SELENOT: variants seen among roughly 807,000 people sequenced by gnomAD.
SELENOT encodes thioredoxin reductase-like selenoprotein T.
SELENOT carries 9 observed loss-of-function variants against 24.3 expected under a neutral mutation model. The observed-to-expected ratio is 0.37, with a 90% CI of 0.22 to 0.65. The LOEUF (loss-of-function observed/expected upper bound fraction) is 0.65, where lower values mean the gene tolerates loss of function less well. Among genes scored for constraint, SELENOT ranks in the 30% least tolerant of loss-of-function variants. The probability of loss-of-function intolerance (pLI) is 0.60; values close to 1 mark genes in which losing one functional copy is unlikely to be tolerated. For synonymous variants in SELENOT, 81 were observed against 86.0 expected, an observed-to-expected ratio of 0.94 and a Z score of 0.32; for missense variants, 166 against 247.6, an observed-to-expected ratio of 0.67 and a Z score of 2.21.
chr3:150,618,911 GCATAGAT>G (rs1439425218), intron 1 of SELENOT: 5 of 152,168 alleles, frequency 3.3e-5, no homozygotes, highest in African/African-American at 1.2e-4. Context: ...TTTCTGTTCT[GCATAGAT>G]CATCTAATAT....
Position 150,629,446 on chromosome 3 carries a change from C to T in SELENOT, c.*1817C>T, listed in dbSNP as rs1156400633. On this transcript the variant is annotated 3_prime_UTR_variant, in exon 6 of 6. Transcript: ENST00000471696. The stretch of plus-strand genomic sequence containing the variant: ...ACCACTCCAAATTCCCTGCCTTCTG[C>T]AAGTTGAATGTCTTGCTGAATGTGT... 1 of 152,638 alleles carries T rather than the reference C, an allele frequency of 6.6e-6. No homozygotes were observed. Among genetic ancestry groups the T allele is most frequent in the Non-Finnish European group, 1.5e-5 (1 of 68,028 alleles). 9.5% of individuals were successfully genotyped at this position (152,638 alleles called of 1,614,324 possible).
At chr3:150,620,965 TTATG>T (rs1272986277) in intron 1 of SELENOT, among the ~76,000 whole-genome samples, 1 of 152,212 alleles carries the variant, frequency 6.6e-6, no homozygotes, top group Non-Finnish European at 1.5e-5. Flanking sequence ...GATGAAGTGT[TTATG>T]TAAGATCTTT....
Position 150,615,287 on chromosome 3 carries a change from C to G in SELENOT, c.138-7098C>G, listed in dbSNP as rs556147470. On this transcript the variant is annotated intron_variant, in intron 1 of 5. Coordinates refer to ENST00000471696, the MANE Select transcript of SELENOT (RefSeq NM_016275.5). The stretch of plus-strand genomic sequence containing the variant: ...TCATTGTTGGACATTTGGGTTGGTT[C>G]CAAGTCTTTGCTATTGTGAATAATG... Among the ~76,000 whole-genome samples, 440 of 151,860 alleles carry G rather than the reference C, an allele frequency of 2.9e-3. 1 individual carries two copies. The highest frequency in any genetic ancestry group is 3.0e-3 in the Non-Finnish European group (204 of 67,950).
chr3:150,622,881 A>T (rs1726371438), intron 2 of SELENOT, among the ~76,000 whole-genome samples, 162 bp from the exon 3 acceptor site: 1 of 152,204 alleles, frequency 6.6e-6, no homozygotes, highest in Admixed American at 6.5e-5. Context: ...AATATATTAA[A>T]CATTTTTGTT....
At chr3:150,613,780 A>G (rs1726150298) in intron 1 of SELENOT, among the ~76,000 whole-genome samples, 1 of 150,666 alleles carries the variant, frequency 6.6e-6, no homozygotes, top group East Asian at 2.0e-4. Flanking sequence ...AAGATTCTCA[A>G]CACATGGTGT....
chr3:150,613,666 T>A (rs908985679), intron 1 of SELENOT, among the ~76,000 whole-genome samples: 7 of 51,466 alleles, frequency 1.4e-4, no homozygotes, highest in Middle Eastern at 0.011. Context: ...AGATGGGAAC[T>A]TTTTTTTTTT....
At chr3:150,616,863 A>C (rs1226448732) in intron 1 of SELENOT, among the ~76,000 whole-genome samples, 2 of 152,170 alleles carry the variant, frequency 1.3e-5, no homozygotes, top group Admixed American at 6.5e-5. Context: ...CTGGTTTCAA[A>C]CTCCTGAGCT....
intron 1 of SELENOT, among the ~76,000 whole-genome samples, chr3:150,616,332 A>C (rs1221599657): frequency 1.4e-5 from 2 of 141,764 alleles, no homozygotes; most frequent in Non-Finnish European, 3.1e-5. Flanking sequence ...ATGGCAACAA[A>C]AGCCAAAATT....
At position 150,629,596 on chromosome 3, in the gene SELENOT, T is replaced by C. The variant is rs1301744180; in HGVS notation, c.*1967T>C. On this transcript the variant is annotated 3_prime_UTR_variant, in exon 6 of 6. Transcript: ENST00000471696. The stretch of plus-strand genomic sequence containing the variant: ...CTGACAGTTAAAAATATAAAGAACC[T>C]AGGATTCAATTCCAACTTTCTCTGT... The C allele has an allele frequency of 6.6e-6, 1 of 152,594 alleles. No individual in the cohort carries two copies. Among genetic ancestry groups the C allele is most frequent in the African/African-American group, 2.4e-5 (1 of 41,438 alleles). The allele number at this position is 152,594 out of a possible 1,614,324, so 9.5% of individuals were successfully genotyped here. A position where few individuals can be genotyped will look rare whatever the true frequency, so the allele number is the denominator to read the frequency against.
intron 1 of SELENOT, 172 bp downstream of exon 1, chr3:150,603,671 C>A: frequency 2.8e-6 from 2 of 707,904 alleles, no homozygotes; most frequent in Non-Finnish European, 4.5e-6. Context: ...GCGGTCAGGC[C>A]GCCCTCCTTT....
At chr3:150,621,679 T>C (rs1020920593) in intron 1 of SELENOT, among the ~76,000 whole-genome samples, 6 of 150,202 alleles carry the variant, frequency 4.0e-5, no homozygotes, top group Middle Eastern at 3.2e-3. Context: ...TTAGAGACTT[T>C]AGAGACTTTA....
intron 1 of SELENOT, chr3:150,611,944 A>G (rs1726104595): frequency 3.8e-6 from 3 of 787,842 alleles, no homozygotes; most frequent in Non-Finnish European, 2.0e-6. Flanking sequence ...CGTCGGCGGC[A>G]GTTCACTCTG....
intron 1 of SELENOT, among the ~76,000 whole-genome samples, chr3:150,612,524 ATTAG>A (rs753767520): frequency 1.6e-4 from 24 of 152,238 alleles, no homozygotes; most frequent in Non-Finnish European, 3.2e-4. Context: ...TCTGCCACCT[ATTAG>A]TTATATGACT....
rs773115857 is a variant in SELENOT, at chr3:150,627,063, C to G, written c.517C>G (p.Leu173Val). The change falls in exon 5 of 6, where the codon CTT (leucine) becomes GTT (valine). Residue 173 changes from leucine (L) to valine (V), a missense_variant. Physicochemically the swap from Leu to Val is conservative, Grantham distance 32. Around this residue, in one of 5 missense-constraint regions of SELENOT, gnomAD observed 44 missense variants for 72.2 expected, o/e 0.61. Transcript: ENST00000471696. ...TGGTCACCTTCCATCCATGCAACAA[C>G]TTGTTCAAATTCTTGACAATGAAAT... ...ESGHLPSMQQLVQILDNEMKL... is the reference protein window; with the variant it reads ...ESGHLPSMQQVVQILDNEMKL... 6.2e-7 allele frequency: 1 copy of G among 1,613,768 alleles called. No homozygotes were observed. Among genetic ancestry groups the G allele is most frequent in the South Asian group, 1.1e-5 (1 of 91,060 alleles).
intron 1 of SELENOT, among the ~76,000 whole-genome samples, chr3:150,620,155 G>T (rs537429311): frequency 6.6e-6 from 1 of 152,172 alleles, no homozygotes; most frequent in African/African-American, 2.4e-5. Flanking sequence ...ACTATAGGGG[G>T]AATCTGACTG....
intron 1 of SELENOT, among the ~76,000 whole-genome samples, chr3:150,616,543 C>T (rs974277911): frequency 6.6e-6 from 1 of 151,580 alleles, no homozygotes; most frequent in African/African-American, 2.4e-5. Flanking sequence ...GGGCAAAGGA[C>T]ATGAACAGAC....
At chr3:150,605,669 C>T (rs985575061) in intron 1 of SELENOT, among the ~76,000 whole-genome samples, 7 of 152,006 alleles carry the variant, frequency 4.6e-5, no homozygotes, top group African/African-American at 2.4e-5. Flanking sequence ...TGGGAAATAA[C>T]GTTATTAATA....
At chr3:150,609,494 C>T (rs569505905) in intron 1 of SELENOT, among the ~76,000 whole-genome samples, 252 of 152,186 alleles carry the variant, frequency 1.7e-3, no homozygotes, top group African/African-American at 5.7e-3. Flanking sequence ...AGATTACAGG[C>T]GCGCACTACA....
chr3:150,609,435 G>C (rs961087461), intron 1 of SELENOT, among the ~76,000 whole-genome samples: 3 of 151,984 alleles, frequency 2.0e-5, no homozygotes, highest in African/African-American at 7.3e-5. Flanking sequence ...TTGTAGCCTC[G>C]ACTGCCGAGG....
Sources: allele counts gnomAD v4.1 joint callset (sites outside exome capture counted in the v4.1 genomes callset), GRCh38; gene constraint gnomAD v4.1.1; regional missense constraint gnomAD v4.1.1; transcripts MANE v1.5; gene names NCBI Gene and HGNC (gene_info 2026-07-23, HGNC 2026-07-21).